Variants in ARNT observed in about 807,000 individuals in gnomAD.
The protein encoded by ARNT is aryl hydrocarbon receptor nuclear translocator.
A neutral mutation model predicts 105.0 loss-of-function variants in ARNT; 30 were observed. The observed-to-expected ratio is 0.29, with a 90% CI of 0.21 to 0.39. The LOEUF (loss-of-function observed/expected upper bound fraction) is 0.39. Among genes scored for constraint, ARNT ranks in the 10% least tolerant of loss-of-function variants. ARNT has a pLI of 1.00. For synonymous variants in ARNT, 304 were observed against 344.0 expected (o/e 0.88, Z 1.29); for missense variants, 748 against 978.7 (o/e 0.76, Z 3.15).
At chr1:150,823,415 C>T in intron 13 of ARNT, 70 bp from the exon 14 acceptor site, 1 of 1,470,560 alleles carries the variant, frequency 6.8e-7, no homozygotes, top group Non-Finnish European at 9.2e-7. Context: ...TAAAAATTTT[C>T]CAATTTCTAT....
At chr1:150,815,395 A>T (rs1655619770) in intron 19 of ARNT, among the ~76,000 whole-genome samples, 1 of 151,286 alleles carries the variant, frequency 6.6e-6, no homozygotes, top group East Asian at 1.9e-4. Context: ...AAAAATACAA[A>T]AAATTAGCCA....
intron 10 of ARNT, among the ~76,000 whole-genome samples, chr1:150,830,871 T>C (rs948468015): frequency 2.0e-5 from 3 of 152,238 alleles, no homozygotes; most frequent in African/African-American, 7.2e-5. Flanking sequence ...ATACTTTAAC[T>C]GTGTGGCTTA....
intron 12 of ARNT, among the ~76,000 whole-genome samples, chr1:150,827,437 T>A (rs760264587): frequency 1.3e-5 from 2 of 152,218 alleles, no homozygotes; most frequent in Non-Finnish European, 2.9e-5. Flanking sequence ...ATATGTGGTC[T>A]TTTGGGTCTG....
intron 1 of ARNT, among the ~76,000 whole-genome samples, chr1:150,867,867 G>C (rs1270238325): frequency 1.3e-5 from 2 of 152,068 alleles, no homozygotes; most frequent in East Asian, 3.9e-4. Flanking sequence ...GCCATGTGAA[G>C]ACATGCTTGC....
At chr1:150,838,727 CA>C (rs1389051323) in intron 6 of ARNT, among the ~76,000 whole-genome samples, 1 of 152,078 alleles carries the variant, frequency 6.6e-6, no homozygotes, top group Non-Finnish European at 1.5e-5. Flanking sequence ...TTTTAATAAC[CA>C]AAACAGAACA....
chr1:150,829,126 G>A lies in ARNT; in HGVS notation c.1134C>T (p.His378=). The A allele has an allele frequency of 6.2e-7, 1 of 1,614,170 alleles. No individual in the cohort carries two copies. The highest frequency in any genetic ancestry group is 8.5e-7 in the Non-Finnish European group (1 of 1,180,014). The part of the protein sequence containing the change: ...NIEGIFTFVD[H]RCVATVGYQP... ...GGTAGCCAACAGTAGCCACACAGCGGTGATCCACAAAAGTGAAGATACCCT... is the reference window on the plus strand; with the variant it reads ...GGTAGCCAACAGTAGCCACACAGCGATGATCCACAAAAGTGAAGATACCCT... Residue 378 remains histidine (H), a synonymous_variant, in exon 12 of 22, where the codon CAC becomes CAT. Transcript: ENST00000358595.
At chr1:150,852,958 T>C in intron 2 of ARNT, 152 bp from the exon 3 acceptor site, 1 of 956,232 alleles carries the variant, frequency 1.0e-6, no homozygotes. Flanking sequence ...ACATTTCCTC[T>C]TGTTCATAGT....
chr1:150,823,357 T>G lies in ARNT; in HGVS notation c.1243-12A>C, dbSNP rs745371289. 7 of 1,583,670 alleles carry G rather than the reference T, an allele frequency of 4.4e-6. No homozygotes were observed. In the Admixed American group the frequency reaches 5.3e-5, roughly 12 times the overall value. On this transcript the variant is annotated splice_polypyrimidine_tract_variant and intron_variant, in intron 13 of 21. Transcript: ENST00000358595. ...TTTAATTTCACTACCTGAAAAAGTT[T>G]TCATGCCATCAGTGGAACTCATAGA...
intron 3 of ARNT, among the ~76,000 whole-genome samples, chr1:150,851,155 G>A (rs1302122958): frequency 6.6e-6 from 1 of 150,610 alleles, no homozygotes; most frequent in Non-Finnish European, 1.5e-5. Context: ...GAGGTGGGGG[G>A]CAGCCCCCGC....
rs587622626 is a variant in ARNT at position 150,811,732 on chromosome 1, A to G, written c.*289T>C. Reference sequence around the variant, plus strand: ...CTGCCTCTTGATCTCAGCACAAATCAACACTATACAATTTCAGGTCAGGAG... The same window carrying G: ...CTGCCTCTTGATCTCAGCACAAATCGACACTATACAATTTCAGGTCAGGAG... On this transcript the variant is annotated 3_prime_UTR_variant, in exon 22 of 22. Transcript: ENST00000358595. 12 of 267,724 alleles carry G rather than the reference A, an allele frequency of 4.5e-5. No homozygotes were observed. In the South Asian group the frequency reaches 1.8e-3, roughly 41 times the overall value. 16.6% of individuals were successfully genotyped at this position (267,724 alleles called of 1,614,324 possible). A position where few individuals can be genotyped will look rare whatever the true frequency, so the allele number is the denominator to read the frequency against.
intron 1 of ARNT, among the ~76,000 whole-genome samples, chr1:150,862,345 C>A (rs979489519): frequency 6.6e-6 from 1 of 152,030 alleles, no homozygotes; most frequent in Non-Finnish European, 1.5e-5. Context: ...GAGGTTATAC[C>A]AATTTAAAGC....
intron 3 of ARNT, among the ~76,000 whole-genome samples, chr1:150,851,059 G>A (rs1187055071): frequency 2.7e-5 from 4 of 148,796 alleles, no homozygotes; most frequent in Admixed American, 6.7e-5. Context: ...CAGCCGCCCC[G>A]TCTGAGAAGT....
intron 3 of ARNT, among the ~76,000 whole-genome samples, chr1:150,847,068 A>G (rs911072550): frequency 1.3e-5 from 2 of 152,186 alleles, no homozygotes; most frequent in Non-Finnish European, 2.9e-5. Context: ...AAAATGGGCC[A>G]ATAAACATGA....
At chr1:150,826,008 G>A (rs1325766911) in intron 13 of ARNT, among the ~76,000 whole-genome samples, 3 of 151,938 alleles carry the variant, frequency 2.0e-5, no homozygotes, top group Non-Finnish European at 2.9e-5. Context: ...CTGCCTCCCA[G>A]GTTCAAGTGA....
chr1:150,868,253 A>G (rs921345230), intron 1 of ARNT, among the ~76,000 whole-genome samples: 3 of 152,064 alleles, frequency 2.0e-5, no homozygotes, highest in African/African-American at 7.2e-5. Flanking sequence ...TCAGGAATCC[A>G]AGACCAACGT....
chr1:150,876,327 C>A (rs1422845281), intron 1 of ARNT, among the ~76,000 whole-genome samples: 1 of 152,192 alleles, frequency 6.6e-6, no homozygotes, highest in Non-Finnish European at 1.5e-5. Flanking sequence ...CCTCAACTCC[C>A]ACCTGCCCCC....
chr1:150,836,390 A>G lies in ARNT; in HGVS notation c.590T>C (p.Leu197Ser), dbSNP rs1224696260. The G allele has an allele frequency of 6.2e-7, 1 of 1,614,070 alleles. No homozygotes were observed. Among genetic ancestry groups the G allele is most frequent in the Non-Finnish European group, 8.5e-7 (1 of 1,180,042 alleles). Reference sequence around the variant, plus strand: ...AAACCATTCAGACTGTGGCTGGTTCAAAACAGGAGTCACGGAGTCAGACAC... The same window carrying G: ...AAACCATTCAGACTGTGGCTGGTTCGAAACAGGAGTCACGGAGTCAGACAC... ...VYVSDSVTPV[L>S]NQPQSEWFGS... The change falls in exon 7 of 22, where the codon TTG becomes TCG. Residue 197 changes from leucine to serine, a missense_variant. By Grantham distance (145) the Leu-to-Ser change is moderately radical (BLOSUM62 -2). Transcript: ENST00000358595.
intron 21 of ARNT, 113 bp from the exon 22 acceptor site, chr1:150,812,223 GC>G: frequency 1.4e-6 from 1 of 700,452 alleles, no homozygotes; most frequent in East Asian, 3.1e-5. Flanking sequence ...TCTTTGCTGT[GC>G]TGAGCTCTTA....
intron 4 of ARNT, among the ~76,000 whole-genome samples, chr1:150,845,326 C>G (rs1484585798): frequency 2.0e-5 from 3 of 152,072 alleles, no homozygotes; most frequent in African/African-American, 7.2e-5. Flanking sequence ...ATAGGCCAGG[C>G]ACAATGGCTC....
Sources: allele counts gnomAD v4.1 joint callset (sites outside exome capture counted in the v4.1 genomes callset), GRCh38; gene constraint gnomAD v4.1.1; transcripts MANE v1.5; gene names NCBI Gene and HGNC (gene_info 2026-07-23, HGNC 2026-07-21).